KCNC2: variants seen among roughly 807,000 people sequenced by gnomAD.
KCNC2 encodes the protein voltage-gated potassium channel KCNC2.
KCNC2 carries 21 observed loss-of-function variants against 44.5 expected under a neutral mutation model. The ratio of observed to expected loss-of-function variants is 0.47; its 90% CI spans 0.33 to 0.68. The LOEUF (loss-of-function observed/expected upper bound fraction) is 0.68, where lower values mean the gene tolerates loss of function less well. Among genes scored for constraint, KCNC2 ranks in the 30% least tolerant of loss-of-function variants. The pLI is 0.01. For missense variants in KCNC2, 589 were observed against 826.2 expected, an observed-to-expected ratio of 0.71 and a Z score of 3.52; for synonymous variants, 391 against 339.1, an observed-to-expected ratio of 1.15 and a Z score of -1.68.
chr12:75,165,476 A>G (rs1329043241), intron 2 of KCNC2, among the ~76,000 whole-genome samples: 1 of 151,574 alleles, frequency 6.6e-6, no homozygotes, highest in Non-Finnish European at 1.5e-5. Context: ...TTATACAATA[A>G]GATAAATTAG....
chr12:75,089,713 T>C (rs1356981690), intron 2 of KCNC2, among the ~76,000 whole-genome samples: 2 of 151,864 alleles, frequency 1.3e-5, no homozygotes, highest in African/African-American at 4.8e-5. Flanking sequence ...TAATAATGTG[T>C]TGTTTCAGAT....
At chr12:75,072,329 G>T (rs1883500937) in intron 2 of KCNC2, among the ~76,000 whole-genome samples, 1 of 152,112 alleles carries the variant, frequency 6.6e-6, no homozygotes, top group Non-Finnish European at 1.5e-5. Context: ...TTAAAAAGAT[G>T]CTAATCTCTG....
Position 75,208,020 on chromosome 12 carries a change from C to T in KCNC2, c.-19-18G>A. The T allele has an allele frequency of 6.2e-7, 1 of 1,608,924 alleles. No homozygotes were observed. The highest frequency in any genetic ancestry group is 1.3e-5 in the African/African-American group (1 of 74,606). ...AGACATGACTAGGGGGAGGCAAACA[C>T]AGCGCCGAGTTAAAGATCTTAGCCG... On this transcript the variant is annotated intron_variant, in intron 1 of 4. Transcript: ENST00000549446.
chr12:75,137,239 ACTCC>A (rs1889297948), intron 2 of KCNC2, among the ~76,000 whole-genome samples: 1 of 151,620 alleles, frequency 6.6e-6, no homozygotes, highest in Non-Finnish European at 1.5e-5. Flanking sequence ...ATAAATACCA[ACTCC>A]TCAAGGATCT....
At chr12:75,201,498 G>A (rs903746192) in intron 2 of KCNC2, among the ~76,000 whole-genome samples, 1 of 151,710 alleles carries the variant, frequency 6.6e-6, no homozygotes, top group Non-Finnish European at 1.5e-5. Flanking sequence ...TCAGAATAAA[G>A]CAAAGGAAAT....
chr12:75,125,175 A>T (rs1888327932), intron 2 of KCNC2, among the ~76,000 whole-genome samples: 2 of 152,342 alleles, frequency 1.3e-5, no homozygotes, highest in African/African-American at 4.8e-5. Context: ...AAATAGGTTC[A>T]GATGACTGAC....
intron 2 of KCNC2, among the ~76,000 whole-genome samples, chr12:75,180,992 T>C (rs1325219290): frequency 6.6e-6 from 1 of 152,126 alleles, no homozygotes; most frequent in Non-Finnish European, 1.5e-5. Flanking sequence ...GTAGAATTGT[T>C]CTCAAACTAT....
intron 2 of KCNC2, among the ~76,000 whole-genome samples, chr12:75,085,034 C>CAA (rs5799209): frequency 3.8e-4 from 58 of 150,912 alleles, no homozygotes; most frequent in African/African-American, 1.0e-3. Flanking sequence ...TAGGAATTCA[C>CAA]AAAAAAAAGG....
Position 75,207,719 on chromosome 12 carries a change from C to T in KCNC2, c.265G>A (p.Gly89Ser), listed in dbSNP as rs779052985. 27 of 1,577,092 alleles carry T rather than the reference C, an allele frequency of 1.7e-5. No individual in the cohort carries two copies. The East Asian group carries it at 6.3e-4, about 37-fold the overall frequency. The change falls in exon 2 of 5, where the codon GGC becomes AGC. Residue 89 changes from glycine to serine, a missense_variant. Coordinates refer to ENST00000549446, the MANE Select transcript of KCNC2 (RefSeq NM_139137.4). This position sits in a 1 kb window ranked among gnomAD's most constrained non-coding sequence, Gnocchi z 4.1. ...CCGGGATGGTCGCTGGCCCTGCCGC[C>T]GCGGGAACTGCAGTTGCCCGCGCCG... ...EGGAGNCSSR[G>S]GRASDHPGGG... is the part of the protein sequence containing the mutation.
intron 2 of KCNC2, among the ~76,000 whole-genome samples, chr12:75,104,037 C>T (rs1290034586): frequency 2.0e-5 from 3 of 151,436 alleles, no homozygotes; most frequent in Non-Finnish European, 2.9e-5. Flanking sequence ...GGATCATCTG[C>T]TTTGCATGAT....
At chr12:75,176,989 CTG>C (rs1446864477) in intron 2 of KCNC2, among the ~76,000 whole-genome samples, 1 of 149,530 alleles carries the variant, frequency 6.7e-6, no homozygotes, top group Admixed American at 6.7e-5. Flanking sequence ...AAGAAGAAGA[CTG>C]TGTCAACATG....
intron 2 of KCNC2, among the ~76,000 whole-genome samples, chr12:75,195,502 A>G (rs965706724): frequency 6.6e-6 from 1 of 152,138 alleles, no homozygotes. Flanking sequence ...TTGTCCCATA[A>G]CACAAAGAGA....
In KCNC2 at chr12:75,040,399, T is replaced by C. The variant is rs1879778966; in HGVS notation, c.*2706A>G. On this transcript the variant is annotated 3_prime_UTR_variant, in exon 5 of 5. Transcript: ENST00000549446. ...CACAAAAAAGTAATTGATTAAAGAA[T>C]ATCTCTTTTATGCAAAATATACATT... 1 of 152,440 alleles carries C rather than the reference T, an allele frequency of 6.6e-6. No individual in the cohort carries two copies. Among genetic ancestry groups the C allele is most frequent in the Non-Finnish European group, 1.5e-5 (1 of 67,978 alleles). 9.4% of individuals were successfully genotyped at this position (152,440 alleles called of 1,614,324 possible). A position where few individuals can be genotyped will look rare whatever the true frequency, so the allele number is the denominator to read the frequency against.
At chr12:75,093,045 A>C (rs1885622830) in intron 2 of KCNC2, among the ~76,000 whole-genome samples, 1 of 149,878 alleles carries the variant, frequency 6.7e-6, no homozygotes, top group Non-Finnish European at 1.5e-5. Context: ...TCGAGTAGCT[A>C]TCTGTTTCTT....
chr12:75,197,016 T>A (rs2030826322), intron 2 of KCNC2, among the ~76,000 whole-genome samples: 1 of 152,054 alleles, frequency 6.6e-6, no homozygotes, highest in Admixed American at 6.6e-5. Flanking sequence ...AGTAGCCAAC[T>A]GTGCTCAAAG....
intron 2 of KCNC2, among the ~76,000 whole-genome samples, chr12:75,115,197 C>A (rs753666569): frequency 3.3e-5 from 5 of 152,150 alleles, no homozygotes; most frequent in Non-Finnish European, 7.4e-5. Context: ...TCTGTATTCA[C>A]TTACTGTGAT....
At chr12:75,177,032 T>TTATA (rs3073537) in intron 2 of KCNC2, among the ~76,000 whole-genome samples, 3,237 of 139,816 alleles carry the variant, frequency 0.023, 95 homozygotes, top group East Asian at 0.085. Context: ...GCTGCAAGTT[T>TTATA]TATATATATA....
At chr12:75,097,442 T>C (rs1378308492) in intron 2 of KCNC2, among the ~76,000 whole-genome samples, 3 of 152,084 alleles carry the variant, frequency 2.0e-5, no homozygotes, top group African/African-American at 7.2e-5. Context: ...CCATTAATTG[T>C]AACAAATGTA....
intron 2 of KCNC2, among the ~76,000 whole-genome samples, chr12:75,188,342 T>A (rs528687765): frequency 1.1e-4 from 17 of 152,232 alleles, no homozygotes; most frequent in Admixed American, 7.2e-4. Flanking sequence ...CCACCAAAGC[T>A]TCTTTCCGAA....
Sources: allele counts gnomAD v4.1 joint callset (sites outside exome capture counted in the v4.1 genomes callset), GRCh38; gene constraint gnomAD v4.1.1; non-coding constraint Gnocchi (gnomAD v3.1); transcripts MANE v1.5; gene names NCBI Gene and HGNC (gene_info 2026-07-23, HGNC 2026-07-21).